Variants in KIAA0825 observed in about 807,000 individuals in gnomAD.
KIAA0825 encodes KIAA0825.
A neutral mutation model predicts 147.6 loss-of-function variants in KIAA0825; 119 were observed. The ratio of observed to expected loss-of-function variants is 0.81; its 90% CI spans 0.69 to 0.94. KIAA0825 has a LOEUF of 0.94. KIAA0825 is among the 40% of genes least tolerant of loss of function. The probability of loss-of-function intolerance (pLI) is 0.00; values close to 1 mark genes in which losing one functional copy is unlikely to be tolerated. For synonymous variants in KIAA0825, 470 were observed against 518.1 expected (o/e 0.91, Z 1.26); for missense variants, 1,381 against 1,472.7 (o/e 0.94, Z 1.02).
At chr5:94,271,160 C>A (rs530115638) in intron 20 of KIAA0825, among the ~76,000 whole-genome samples, 4 of 152,132 alleles carry the variant, frequency 2.6e-5, no homozygotes, top group African/African-American at 9.6e-5. Flanking sequence ...TCTAAGACCT[C>A]AAACTAAAGA....
rs1273999011 is a variant in KIAA0825 at position 94,396,433 on chromosome 5, G to A, written c.2964C>T (p.Pro988=). 6.5e-7 allele frequency: 1 copy of A among 1,547,046 alleles called. No homozygotes were observed. Among genetic ancestry groups the A allele is most frequent in the Non-Finnish European group, 8.7e-7 (1 of 1,145,008 alleles). The change falls in exon 17 of 21, where the codon CCC becomes CCT. Residue 988 remains proline, a synonymous_variant. Transcript: ENST00000682413. ...ACAGAAAAAAGAAGTATTTAACTGG[G>A]GGAGGCAAACATGCAATCACCGTAG... ...KLPTVIACLP[P]PVKYFFFLSE...
intron 20 of KIAA0825, among the ~76,000 whole-genome samples, chr5:94,337,158 G>C (rs1781892959): frequency 6.6e-6 from 1 of 152,056 alleles, no homozygotes; most frequent in Non-Finnish European, 1.5e-5. Context: ...TTTGTATAAA[G>C]AAACATTTTG....
At chr5:94,531,274 T>C (rs759669343) in intron 3 of KIAA0825, among the ~76,000 whole-genome samples, 52 of 152,138 alleles carry the variant, frequency 3.4e-4, no homozygotes, top group Non-Finnish European at 6.0e-4. Flanking sequence ...GAGGACACAC[T>C]ATGTATGATG....
At chr5:94,525,561 T>C (rs1345457534) in intron 3 of KIAA0825, among the ~76,000 whole-genome samples, 1 of 151,982 alleles carries the variant, frequency 6.6e-6, no homozygotes, top group Non-Finnish European at 1.5e-5. Context: ...GATTGGCTTG[T>C]ATTTTCTTAA....
At chr5:94,194,386 T>G (rs1044003137) in intron 20 of KIAA0825, among the ~76,000 whole-genome samples, 5 of 152,112 alleles carry the variant, frequency 3.3e-5, no homozygotes, top group Admixed American at 2.6e-4. Flanking sequence ...CTCCCCTCTC[T>G]CTCACTGGGA....
chr5:94,576,478 A>G (rs1411075942), intron 2 of KIAA0825, among the ~76,000 whole-genome samples: 9 of 152,064 alleles, frequency 5.9e-5, no homozygotes, highest in Non-Finnish European at 1.2e-4. Flanking sequence ...AGAATGAGAG[A>G]TTTGAACAAG....
At chr5:94,190,243 C>T (rs534615422) in intron 20 of KIAA0825, among the ~76,000 whole-genome samples, 2 of 152,216 alleles carry the variant, frequency 1.3e-5, no homozygotes, top group African/African-American at 4.8e-5. Flanking sequence ...TTACTTCTCC[C>T]TTTCTTATTC....
At chr5:94,226,163 A>T (rs960551563) in intron 20 of KIAA0825, among the ~76,000 whole-genome samples, 1 of 152,248 alleles carries the variant, frequency 6.6e-6, no homozygotes, top group Admixed American at 6.5e-5. Context: ...AAACAAATTT[A>T]CAAGAACAAA....
At chr5:94,611,795 A>T (rs908693635) in intron 1 of KIAA0825, 2 of 151,700 alleles carry the variant, frequency 1.3e-5, no homozygotes, top group African/African-American at 4.8e-5. Flanking sequence ...AAAAATTAAA[A>T]AATTTTTTTA....
intron 5 of KIAA0825, among the ~76,000 whole-genome samples, chr5:94,500,458 G>GGA (rs1764933314): frequency 6.6e-6 from 1 of 152,164 alleles, no homozygotes; most frequent in South Asian, 2.1e-4. Flanking sequence ...TTGACGGTGA[G>GGA]GAGCAGGGCA....
intron 20 of KIAA0825, among the ~76,000 whole-genome samples, chr5:94,241,463 CA>C (rs1295185682): frequency 6.6e-6 from 1 of 152,126 alleles, no homozygotes. Context: ...CTTATTTTCC[CA>C]GACATTTCGT....
At chr5:94,160,697 T>C (rs1767492887) in intron 20 of KIAA0825, among the ~76,000 whole-genome samples, 1 of 150,086 alleles carries the variant, frequency 6.7e-6, no homozygotes, top group Non-Finnish European at 1.5e-5. Flanking sequence ...GTATGTATAT[T>C]TAATATATAA....
chr5:94,592,151 G>A (rs753574327), intron 1 of KIAA0825, among the ~76,000 whole-genome samples: 9 of 152,128 alleles, frequency 5.9e-5, no homozygotes, highest in Non-Finnish European at 1.5e-5. Flanking sequence ...ACTCATTTCA[G>A]CATTAACTCA....
At chr5:94,204,752 C>T (rs533442647) in intron 20 of KIAA0825, among the ~76,000 whole-genome samples, 5 of 152,160 alleles carry the variant, frequency 3.3e-5, no homozygotes, top group Non-Finnish European at 7.4e-5. Context: ...CTAAACTGTT[C>T]ATATGACCTC....
At chr5:94,212,519 T>C (rs959819306) in intron 20 of KIAA0825, among the ~76,000 whole-genome samples, 18 of 152,146 alleles carry the variant, frequency 1.2e-4, no homozygotes, top group Admixed American at 3.9e-4. Flanking sequence ...GACATGAGGC[T>C]ATTAGGAGAC....
intron 2 of KIAA0825, among the ~76,000 whole-genome samples, chr5:94,570,929 A>C (rs1237631555): frequency 6.6e-6 from 1 of 152,172 alleles, no homozygotes; most frequent in Non-Finnish European, 1.5e-5. Flanking sequence ...ACCATGTCAT[A>C]CTTAGTTATT....
Position 94,396,098 on chromosome 5 carries a change from T to G in KIAA0825, c.3296+3A>C. 1 of 1,452,026 alleles carries G rather than the reference T, an allele frequency of 6.9e-7. No homozygotes were observed. The highest frequency in any genetic ancestry group is 9.1e-7 in the Non-Finnish European group (1 of 1,101,998). The allele number at this position is 1,452,026 out of a possible 1,614,324, so 89.9% of individuals were successfully genotyped here. A position where few individuals can be genotyped will look rare whatever the true frequency, so the allele number is the denominator to read the frequency against. On this transcript the variant is annotated splice_donor_region_variant and intron_variant, in intron 17 of 20. Transcript: ENST00000682413. ...ATCCAATAAGAGAAAAACATCACTT[T>G]ACCATTCAGTGCTCAGTTTCCTTGC...
intron 5 of KIAA0825, among the ~76,000 whole-genome samples, chr5:94,502,155 A>G (rs147037488): frequency 1.9e-3 from 292 of 152,244 alleles, no homozygotes; most frequent in Non-Finnish European, 3.4e-3. Context: ...ATAAGACCTA[A>G]TACTTTTCAC....
Position 94,399,414 on chromosome 5 carries a change from C to T in KIAA0825, c.2888-2905G>A, listed in dbSNP as rs1313318208. Reference sequence around the variant, plus strand: ...TTACCAATTTTCTTCTTCACACCTACACTCTACTGATATTTTATAAACTCC... The same window carrying T: ...TTACCAATTTTCTTCTTCACACCTATACTCTACTGATATTTTATAAACTCC... On this transcript the variant is annotated intron_variant, in intron 16 of 20. Transcript: ENST00000682413. Among the ~76,000 whole-genome samples, 5 of 152,106 alleles carry T rather than the reference C, an allele frequency of 3.3e-5. No homozygotes were observed. The East Asian group carries it at 9.6e-4, about 29-fold the overall frequency.
Sources: gnomAD v4.1 joint callset for allele counts (sites outside exome capture counted in the v4.1 genomes callset) on GRCh38, gnomAD v4.1.1 for gene constraint, MANE v1.5 for transcripts, NCBI Gene and HGNC (gene_info 2026-07-23, HGNC 2026-07-21) for gene names.